Variants in DDX54 observed in about 807,000 individuals in gnomAD.
DDX54 encodes ATP-dependent RNA helicase DDX54.
In DDX54, 67 loss-of-function variants were observed where a neutral mutation model predicts 105.5. The ratio of observed to expected loss-of-function variants is 0.64; its 90% CI spans 0.52 to 0.78. The LOEUF (loss-of-function observed/expected upper bound fraction) is 0.78. Among genes scored for constraint, DDX54 ranks in the 30% least tolerant of loss-of-function variants. The pLI, the probability that DDX54 is intolerant of heterozygous loss-of-function variation, is 0.00. For missense variants in DDX54, 1,206 were observed against 1,230.5 expected (o/e 0.98, Z 0.30); for synonymous variants, 514 against 509.9 (o/e 1.01, Z -0.11).
intron 5 of DDX54, chr12:113,178,594 G>T: frequency 5.9e-6 from 1 of 170,700 alleles, no homozygotes; most frequent in Non-Finnish European, 1.2e-5. Flanking sequence ...CCATGTTGGA[G>T]TGCAGTAATG....
Position 113,163,426 on chromosome 12 carries a change from C to T in DDX54, c.1939-152G>A. The T allele has an allele frequency of 3.3e-6, 4 of 1,200,290 alleles. No individual in the cohort carries two copies. The highest frequency in any genetic ancestry group is 4.5e-6 in the Non-Finnish European group (4 of 882,354). The allele number at this position is 1,200,290 out of a possible 1,614,324, so 74.4% of individuals were successfully genotyped here. ...ATTTTGCCATTTCTTAGCTGGGTGA[C>T]AGTGTCTCCTGTGGGACCCTCAGTT... On this transcript the variant is annotated intron_variant, in intron 15 of 19. Transcript: ENST00000306014. This position sits in a 1 kb window ranked among gnomAD's most constrained non-coding sequence, Gnocchi z 5.9.
intron 7 of DDX54, among the ~76,000 whole-genome samples, chr12:113,175,643 G>T (rs1345078723): frequency 6.6e-6 from 1 of 152,148 alleles, no homozygotes; most frequent in Non-Finnish European, 1.5e-5. Context: ...AAAAAAATTA[G>T]CCGGGCGTGG....
At chr12:113,161,415 C>A in intron 18 of DDX54, 33 bp from the exon 19 acceptor site, 3 of 1,563,338 alleles carry the variant, frequency 1.9e-6, no homozygotes, top group Non-Finnish European at 2.6e-6. Context: ...CTGCGTGAAG[C>A]CCCTGGGATG....
chr12:113,165,583 T>C, intron 14 of DDX54, 61 bp downstream of exon 14: 1 of 1,507,322 alleles, frequency 6.6e-7, no homozygotes, highest in Non-Finnish European at 8.9e-7. Context: ...CCACAGGCCA[T>C]CTGTCTCTGG....
Position 113,158,022 on chromosome 12 carries a change from G to A in DDX54, c.*855C>T. 1 of 285,604 alleles carries A rather than the reference G, an allele frequency of 3.5e-6. No homozygotes were observed. The highest frequency in any genetic ancestry group is 6.7e-6 in the Non-Finnish European group (1 of 148,664). The allele number at this position is 285,604 out of a possible 1,614,324, so 17.7% of individuals were successfully genotyped here. A position where few individuals can be genotyped will look rare whatever the true frequency, so the allele number is the denominator to read the frequency against. ...AGGTCTCAGAACAGGGTCCATGCTA[G>A]ATGAGAGATCACCAAGGCCCCCTCC... On this transcript the variant is annotated 3_prime_UTR_variant, in exon 20 of 20. Coordinates refer to ENST00000306014, the MANE Select transcript of DDX54 (RefSeq NM_024072.4). The surrounding 1 kb of genome is among the most constrained non-coding windows in gnomAD (Gnocchi z 4.9).
In DDX54 at chr12:113,165,704, C is replaced by T. The variant is rs1161266946; in HGVS notation, c.1659G>A (p.Glu553=). Residue 553 remains glutamate, a synonymous_variant, in exon 14 of 20, where the codon GAG becomes GAA. Transcript: ENST00000306014. ...GCCTCAGCCGCTGCAGCTCCTCCTCCTCAAAACGCGAGCCTGGTAGGAAAG... is the reference window on the plus strand; with the variant it reads ...GCCTCAGCCGCTGCAGCTCCTCCTCTTCAAAACGCGAGCCTGGTAGGAAAG... ...GLHPLFSSRF[E]EEELQRLRLV... 1.2e-6 allele frequency: 2 copies of T among 1,613,626 alleles called. No individual in the cohort carries two copies. Among genetic ancestry groups the T allele is most frequent in the East Asian group, 2.2e-5 (1 of 44,866 alleles).
chr12:113,179,794 G>C (rs1274013510), intron 3 of DDX54, 141 bp downstream of exon 3: 10 of 973,158 alleles, frequency 1.0e-5, no homozygotes, highest in Admixed American at 4.2e-5. Context: ...CCTAGGAAGT[G>C]GGCACGCTAG....
In DDX54 at chr12:113,185,380, TTTC is replaced by T. The variant is rs1026695452; in HGVS notation, c.69_71del (p.Lys24del). 23 of 1,567,572 alleles carry T rather than the reference TTTC, an allele frequency of 1.5e-5. No homozygotes were observed. The highest frequency in any genetic ancestry group is 6.9e-6 in the Non-Finnish European group (8 of 1,159,598). ...CCGCGCCTCGGCGCTTCCGGAGCCC[TTTC>T]TTCTTCCTCCACTGGGCCATGGCAG... is the stretch of plus-strand genomic sequence containing the variant. On this transcript the variant is annotated inframe_deletion, in exon 1 of 20. Coordinates refer to ENST00000306014, the MANE Select transcript of DDX54 (RefSeq NM_024072.4).
At chr12:113,184,812 C>G (rs1199414775) in intron 1 of DDX54, among the ~76,000 whole-genome samples, 1 of 152,172 alleles carries the variant, frequency 6.6e-6, no homozygotes, top group African/African-American at 2.4e-5. Context: ...AGCAACAGAG[C>G]AAGACTCTGT....
chr12:113,164,060 C>G lies in DDX54; in HGVS notation c.1938+7G>C. On this transcript the variant is annotated splice_region_variant and intron_variant, in intron 15 of 19. Transcript: ENST00000306014. ...CAGGTCCAGGGTCCCCAGGGTGGAACCTGTACCTCCACACTCTCTCCCGCC... is the reference window on the plus strand; with the variant it reads ...CAGGTCCAGGGTCCCCAGGGTGGAAGCTGTACCTCCACACTCTCTCCCGCC... 1 of 1,543,028 alleles carries G rather than the reference C, an allele frequency of 6.5e-7. No individual in the cohort carries two copies. Among genetic ancestry groups the G allele is most frequent in the South Asian group, 1.2e-5 (1 of 83,498 alleles).
chr12:113,169,813 C>T lies in DDX54; in HGVS notation c.1371G>A (p.Leu457=), dbSNP rs1952315520. 4 of 1,614,078 alleles carry T rather than the reference C, an allele frequency of 2.5e-6. No homozygotes were observed. The highest frequency in any genetic ancestry group is 1.6e-4 in the Middle Eastern group (1 of 6,062). ...IPYLLDLHLF[L]GRSLTLARPL... is the part of the protein sequence containing the mutation. ...GTCGGGCGAGGGTGAGGGAGCGGCC[C>T]AGGAACAGGTGCAGATCCAGCAGGT... is the stretch of plus-strand genomic sequence containing the variant. Residue 457 remains leucine (L), a synonymous_variant, in exon 12 of 20, where the codon CTG becomes CTA. Transcript: ENST00000306014.
chr12:113,169,676 T>G (rs1213802658), intron 12 of DDX54, 94 bp downstream of exon 12: 1 of 1,388,382 alleles, frequency 7.2e-7, no homozygotes, highest in Non-Finnish European at 9.8e-7. Flanking sequence ...AATCATCTTC[T>G]GCTGGGGTCA....
intron 12 of DDX54, among the ~76,000 whole-genome samples, chr12:113,168,930 CAATA>C (rs1325636135): frequency 6.6e-6 from 1 of 150,660 alleles, no homozygotes; most frequent in East Asian, 2.0e-4. Context: ...AACTCTGTCT[CAATA>C]AATAAATTAA....
At chr12:113,159,414 A>C in intron 19 of DDX54, 7 of 430,850 alleles carry the variant, frequency 1.6e-5, no homozygotes, top group Admixed American at 4.3e-5. Flanking sequence ...CACCTCCCTC[A>C]TGGGTGAAGA....
At chr12:113,176,809 C>T in intron 7 of DDX54, 31 bp downstream of exon 7, 11 of 1,610,938 alleles carry the variant, frequency 6.8e-6, no homozygotes, top group Non-Finnish European at 9.3e-6. Context: ...AGTTCAGACA[C>T]AAGTGCTCAG....
intron 11 of DDX54, among the ~76,000 whole-genome samples, chr12:113,170,874 T>C (rs1159745500): frequency 1.3e-5 from 2 of 152,032 alleles, no homozygotes; most frequent in Non-Finnish European, 2.9e-5. Context: ...TCGTGATGTA[T>C]GGTGATGTAA....
chr12:113,176,778 C>A, intron 7 of DDX54, 62 bp downstream of exon 7: 4 of 1,566,432 alleles, frequency 2.6e-6, no homozygotes, highest in Admixed American at 1.7e-5. Flanking sequence ...CTCTGGTTGA[C>A]CTCTCTGCCT....
intron 11 of DDX54, 81 bp from the exon 12 acceptor site, chr12:113,169,985 C>T: frequency 1.3e-6 from 2 of 1,558,084 alleles, no homozygotes; most frequent in Middle Eastern, 1.8e-4. Context: ...AGACCCTGAG[C>T]AGGTGAGCCT....
Position 113,185,311 on chromosome 12 carries a change from C to G in DDX54, c.141G>C (p.Glu47Asp). 4 of 1,589,042 alleles carry G rather than the reference C, an allele frequency of 2.5e-6. No homozygotes were observed. The highest frequency in any genetic ancestry group is 3.4e-6 in the Non-Finnish European group (4 of 1,171,428). Residue 47 changes from glutamate to aspartate, a missense_variant, in exon 1 of 20, where the codon GAG becomes GAC. This residue lies in a region of DDX54 where 212 missense variants were observed against 155.4 expected (regional missense o/e 1.36). Transcript: ENST00000306014. The stretch of plus-strand genomic sequence containing the variant: ...CCCGGGCGTCATCTTCCGCCTGGAT[C>G]TCAAACTCGCCGTCCTCCGAGTCGC... Reference protein sequence around the residue: ...RGSDSEDGEFEIQAEDDARAR... With the variant: ...RGSDSEDGEFDIQAEDDARAR...
Sources: gnomAD v4.1 joint callset for allele counts (sites outside exome capture counted in the v4.1 genomes callset) on GRCh38, gnomAD v4.1.1 for gene constraint, gnomAD v4.1.1 regional missense constraint, Gnocchi (gnomAD v3.1) non-coding constraint, MANE v1.5 for transcripts, NCBI Gene and HGNC (gene_info 2026-07-23, HGNC 2026-07-21) for gene names.